ADCY8: variants seen among roughly 807,000 people sequenced by gnomAD.
ADCY8 encodes the protein adenylate cyclase 8.
ADCY8 carries 51 observed loss-of-function variants against 119.7 expected under a neutral mutation model. The observed-to-expected ratio is 0.43, with a 90% CI of 0.34 to 0.54. ADCY8 has a LOEUF of 0.54. Among genes scored for constraint, ADCY8 ranks in the 20% least tolerant of loss-of-function variants. The pLI is 0.03. For missense variants in ADCY8, 1,383 were observed against 1,598.8 expected, an observed-to-expected ratio of 0.87 and a Z score of 2.30; for synonymous variants, 665 against 651.0, an observed-to-expected ratio of 1.02 and a Z score of -0.33.
intron 7 of ADCY8, among the ~76,000 whole-genome samples, chr8:130,896,896 G>A (rs903474127): frequency 6.6e-6 from 1 of 152,118 alleles, no homozygotes; most frequent in African/African-American, 2.4e-5. Flanking sequence ...TATGGCCACA[G>A]TCTTGGAGCC....
intron 1 of ADCY8, among the ~76,000 whole-genome samples, chr8:130,992,419 A>ATATG (rs1822620215): frequency 7.8e-6 from 1 of 127,714 alleles, no homozygotes; most frequent in African/African-American, 3.4e-5. Flanking sequence ...ATATATATAT[A>ATATG]TATATATATA....
intron 12 of ADCY8, among the ~76,000 whole-genome samples, chr8:130,832,043 A>G (rs1028671549): frequency 4.6e-5 from 7 of 152,220 alleles, no homozygotes; most frequent in African/African-American, 4.8e-5. Context: ...ATCATTTTAA[A>G]TTAATTTGAT....
intron 14 of ADCY8, among the ~76,000 whole-genome samples, chr8:130,801,618 T>C (rs1815780221): frequency 1.3e-5 from 2 of 152,266 alleles, no homozygotes; most frequent in Admixed American, 1.3e-4. Flanking sequence ...ATCAACTAGG[T>C]TCTCTTCCTC....
intron 2 of ADCY8, among the ~76,000 whole-genome samples, chr8:130,972,771 A>G (rs144529319): frequency 2.1e-3 from 315 of 152,156 alleles, no homozygotes; most frequent in African/African-American, 7.1e-3. Flanking sequence ...GAAGAAAGTA[A>G]TTTTATTCTG....
intron 9 of ADCY8, among the ~76,000 whole-genome samples, chr8:130,863,236 T>G (rs200750676): frequency 6.6e-6 from 1 of 151,846 alleles, no homozygotes; most frequent in Non-Finnish European, 1.5e-5. Context: ...TTTTTATCTC[T>G]GATAATTTTC....
intron 5 of ADCY8, among the ~76,000 whole-genome samples, chr8:130,922,855 A>G (rs1820357365): frequency 6.6e-6 from 1 of 152,200 alleles, no homozygotes; most frequent in African/African-American, 2.4e-5. Flanking sequence ...AGCCTTTGCT[A>G]TGTCACTTAC....
intron 5 of ADCY8, among the ~76,000 whole-genome samples, chr8:130,927,905 C>G (rs936891705): frequency 1.3e-5 from 2 of 152,132 alleles, no homozygotes; most frequent in African/African-American, 4.8e-5. Context: ...AAGATTGCAA[C>G]TTTTTATTGT....
At chr8:130,925,273 G>A (rs1295934642) in intron 5 of ADCY8, among the ~76,000 whole-genome samples, 1 of 152,046 alleles carries the variant, frequency 6.6e-6, no homozygotes, top group African/African-American at 2.4e-5. Flanking sequence ...TATTTTATGG[G>A]CATAGAATAG....
Position 131,040,299 on chromosome 8 carries a change from C to T in ADCY8, c.35G>A (p.Ser12Asn). Residue 12 changes from serine to asparagine, a missense_variant, in exon 1 of 18, where the codon AGC becomes AAC. Physicochemically the swap from Ser to Asn is conservative, Grantham distance 46 (BLOSUM62 1). This residue lies in a region of ADCY8 where 455 missense variants were observed against 435.3 expected (regional missense o/e 1.05). Coordinates refer to ENST00000286355, the MANE Select transcript of ADCY8 (RefSeq NM_001115.3). Reference sequence around the variant, plus strand: ...CGGGTGGATGGTGTAGAGTTCCTCGCTGCCTGTAAGGCAGCGCACATCGGA... The same window carrying T: ...CGGGTGGATGGTGTAGAGTTCCTCGTTGCCTGTAAGGCAGCGCACATCGGA... ...ELSDVRCLTGSEELYTIHPTP... is the reference protein window; with the variant it reads ...ELSDVRCLTGNEELYTIHPTP... 1 of 1,554,900 alleles carries T rather than the reference C, an allele frequency of 6.4e-7. No individual in the cohort carries two copies. Among genetic ancestry groups the T allele is most frequent in the Non-Finnish European group, 8.7e-7 (1 of 1,155,382 alleles).
intron 2 of ADCY8, among the ~76,000 whole-genome samples, chr8:130,979,634 G>T (rs1362304163): frequency 6.6e-6 from 1 of 152,176 alleles, no homozygotes; most frequent in Non-Finnish European, 1.5e-5. Flanking sequence ...GACTGTTTAG[G>T]TCTGAGTACC....
At chr8:130,802,012 G>A (rs1025934917) in intron 14 of ADCY8, among the ~76,000 whole-genome samples, 8 of 146,386 alleles carry the variant, frequency 5.5e-5, no homozygotes, top group East Asian at 2.1e-4. Context: ...GGTCCATCTC[G>A]TTTCAATACC....
chr8:130,846,776 TTC>T (rs1491218548), intron 11 of ADCY8, among the ~76,000 whole-genome samples: 355 of 84,134 alleles, frequency 4.2e-3, no homozygotes, highest in South Asian at 7.0e-3. Context: ...CCTTCCTTCC[TTC>T]TCCTTCCTTC....
intron 12 of ADCY8, among the ~76,000 whole-genome samples, chr8:130,833,088 A>G (rs1816886973): frequency 6.6e-6 from 1 of 152,224 alleles, no homozygotes. Flanking sequence ...TTGCATGGCC[A>G]TGATATATCC....
At chr8:130,949,015 A>T (rs1821194051) in intron 3 of ADCY8, among the ~76,000 whole-genome samples, 1 of 152,094 alleles carries the variant, frequency 6.6e-6, no homozygotes, top group Non-Finnish European at 1.5e-5. Flanking sequence ...TTCTGCATCA[A>T]TTCTCCTCCC....
Position 130,780,879 on chromosome 8 carries a change from T to TG in ADCY8, c.3269-3dup. On this transcript the variant is annotated splice_region_variant and splice_polypyrimidine_tract_variant and intron_variant, in intron 17 of 17. Coordinates refer to ENST00000286355, the MANE Select transcript of ADCY8 (RefSeq NM_001115.3). ...CTACCACTGAGCCGTGGCTGATGCC[T>TG]GGGGGGTGAAGCAAAGGAGCAAGAA... 1.9e-6 allele frequency: 3 copies of TG among 1,612,236 alleles called. No homozygotes were observed. Among genetic ancestry groups the TG allele is most frequent in the Non-Finnish European group, 2.5e-6 (3 of 1,178,572 alleles).
intron 12 of ADCY8, among the ~76,000 whole-genome samples, chr8:130,835,046 T>C (rs977011643): frequency 1.1e-4 from 16 of 152,130 alleles, no homozygotes; most frequent in African/African-American, 3.9e-4. Context: ...TTCATGGACA[T>C]TCATATTATT....
At chr8:130,806,184 T>C (rs186871466) in intron 14 of ADCY8, among the ~76,000 whole-genome samples, 140 of 152,286 alleles carry the variant, frequency 9.2e-4, no homozygotes, top group African/African-American at 3.2e-3. Context: ...CCCTCAGCAG[T>C]TGATGACAGT....
chr8:131,005,182 A>G (rs1042900429), intron 1 of ADCY8, among the ~76,000 whole-genome samples: 2 of 152,238 alleles, frequency 1.3e-5, no homozygotes, highest in African/African-American at 4.8e-5. Flanking sequence ...TCATTATTAA[A>G]GGAATTGGAA....
chr8:130,908,281 A>G (rs1819856095), intron 6 of ADCY8, among the ~76,000 whole-genome samples: 2 of 152,240 alleles, frequency 1.3e-5, no homozygotes, highest in Admixed American at 1.3e-4. Context: ...TGATGCTTTT[A>G]AGATACAGGC....
Sources: allele counts gnomAD v4.1 joint callset (sites outside exome capture counted in the v4.1 genomes callset), GRCh38; gene constraint gnomAD v4.1.1; regional missense constraint gnomAD v4.1.1; transcripts MANE v1.5; gene names NCBI Gene and HGNC (gene_info 2026-07-23, HGNC 2026-07-21).